TMEM117: variants seen among roughly 807,000 people sequenced by gnomAD.
The protein encoded by TMEM117 is transmembrane protein 117.
A neutral mutation model predicts 52.4 loss-of-function variants in TMEM117; 27 were observed. That is an observed-to-expected ratio of 0.51 (90% CI 0.38 to 0.71). The LOEUF is 0.71. Among genes scored for constraint, TMEM117 ranks in the 30% least tolerant of loss-of-function variants. TMEM117 has a pLI of 0.00. For synonymous variants in TMEM117, 215 were observed against 206.3 expected (o/e 1.04, Z -0.36); for missense variants, 556 against 630.5 (o/e 0.88, Z 1.26).
intron 3 of TMEM117, among the ~76,000 whole-genome samples, chr12:44,047,115 G>GTA (rs1438545580): frequency 2.6e-5 from 4 of 151,468 alleles, no homozygotes; most frequent in African/African-American, 9.8e-5. Context: ...ATATTTTAGT[G>GTA]TATATATGTG....
intron 2 of TMEM117, among the ~76,000 whole-genome samples, chr12:43,865,423 A>T (rs7971036): frequency 6.6e-6 from 1 of 152,134 alleles, no homozygotes; most frequent in African/African-American, 2.4e-5. Context: ...TTGGCCAGGT[A>T]TACTGGCTCA....
chr12:44,160,067 A>G (rs1373183542), intron 4 of TMEM117, among the ~76,000 whole-genome samples: 1 of 152,190 alleles, frequency 6.6e-6, no homozygotes, highest in Non-Finnish European at 1.5e-5. Context: ...GGACCCTGCT[A>G]CTAGCCTGGA....
intron 3 of TMEM117, among the ~76,000 whole-genome samples, chr12:43,972,315 A>G (rs552375138): frequency 2.0e-5 from 3 of 152,280 alleles, no homozygotes; most frequent in Admixed American, 2.0e-4. Flanking sequence ...CTGTGTCCAG[A>G]GTTGGTTCCT....
intron 3 of TMEM117, among the ~76,000 whole-genome samples, chr12:44,103,219 C>T (rs1432471416): frequency 6.6e-6 from 1 of 150,976 alleles, no homozygotes; most frequent in African/African-American, 2.4e-5. Context: ...CTCAGCATAA[C>T]TCCATATCTT....
chr12:44,153,018 A>C (rs1369645112), intron 4 of TMEM117, among the ~76,000 whole-genome samples: 1 of 151,520 alleles, frequency 6.6e-6, no homozygotes, highest in Non-Finnish European at 1.5e-5. Flanking sequence ...AGGTAAAAGA[A>C]ATGTTCAGGG....
At chr12:43,799,589 A>T in the TMEM117 span, 1 of 622,268 alleles carries the variant, frequency 1.6e-6, no homozygotes, top group South Asian at 3.2e-5. Flanking sequence ...AATCATTAAC[A>T]GAAAAGATTT....
chr12:44,030,906 T>A (rs1247136333), intron 3 of TMEM117, among the ~76,000 whole-genome samples: 3 of 152,234 alleles, frequency 2.0e-5, no homozygotes, highest in African/African-American at 7.2e-5. Context: ...TTTCTGTTAT[T>A]GAATTTTGCA....
chr12:43,807,663 T>C, the TMEM117 span, among the ~76,000 whole-genome samples: 3 of 152,214 alleles, frequency 2.0e-5, no homozygotes, highest in Non-Finnish European at 4.4e-5. Flanking sequence ...GAGCAAAATA[T>C]AATCCTTCCA....
At chr12:44,169,309 C>G (rs891096221) in intron 4 of TMEM117, among the ~76,000 whole-genome samples, 11 of 152,194 alleles carry the variant, frequency 7.2e-5, no homozygotes, top group Non-Finnish European at 1.6e-4. Context: ...TTGCTACCAG[C>G]AATGCACAAG....
At chr12:44,373,851 G>A (rs1262916988) in intron 6 of TMEM117, among the ~76,000 whole-genome samples, 9 of 137,510 alleles carry the variant, frequency 6.5e-5, no homozygotes, top group East Asian at 2.4e-4. Context: ...GTGCGATCTC[G>A]GCTCACTACA....
chr12:44,349,903 G>A (rs542503635), intron 6 of TMEM117, among the ~76,000 whole-genome samples: 1 of 152,120 alleles, frequency 6.6e-6, no homozygotes, highest in Admixed American at 6.6e-5. Flanking sequence ...ACAAGTATCA[G>A]CCAATTTGCC....
intron 4 of TMEM117, among the ~76,000 whole-genome samples, chr12:44,183,017 G>A (rs1038630897): frequency 6.6e-6 from 1 of 151,866 alleles, no homozygotes; most frequent in Non-Finnish European, 1.5e-5. Context: ...TCATTTATAA[G>A]CAGCAATTGT....
At chr12:44,328,687 A>G (rs952630881) in intron 6 of TMEM117, among the ~76,000 whole-genome samples, 2 of 152,014 alleles carry the variant, frequency 1.3e-5, no homozygotes, top group African/African-American at 2.4e-5. Flanking sequence ...TACCATTTCA[A>G]TTTGCTTGTT....
intron 3 of TMEM117, among the ~76,000 whole-genome samples, chr12:43,988,825 G>A (rs1331241356): frequency 2.0e-5 from 3 of 152,076 alleles, no homozygotes; most frequent in Admixed American, 6.6e-5. Context: ...TTTGCAAAAC[G>A]TTTACAAGTA....
intron 4 of TMEM117, among the ~76,000 whole-genome samples, chr12:44,202,365 A>C (rs12302578): frequency 0.02 from 2,982 of 152,006 alleles, 58 homozygotes; most frequent in South Asian, 0.053. Context: ...GAATTTTATC[A>C]AAAGCCATTT....
At chr12:44,350,564 A>G (rs1047458863) in intron 6 of TMEM117, among the ~76,000 whole-genome samples, 1 of 151,920 alleles carries the variant, frequency 6.6e-6, no homozygotes, top group Non-Finnish European at 1.5e-5. Flanking sequence ...CTCTATCTCC[A>G]TGAGTTCAGC....
At chr12:44,307,270 T>C (rs1950915113) in intron 6 of TMEM117, among the ~76,000 whole-genome samples, 1 of 152,204 alleles carries the variant, frequency 6.6e-6, no homozygotes, top group South Asian at 2.1e-4. Flanking sequence ...GAATATATTT[T>C]CAAGATAAGT....
intron 3 of TMEM117, among the ~76,000 whole-genome samples, chr12:44,076,007 T>C (rs1947376186): frequency 6.6e-6 from 1 of 152,086 alleles, no homozygotes; most frequent in Admixed American, 6.6e-5. Flanking sequence ...CCCTATTAGG[T>C]TTTTGAGGAC....
At position 43,850,106 on chromosome 12, in the gene TMEM117, CA is replaced by C. The variant is rs375951570; in HGVS notation, c.277+5179del. ...AAAGAGGCTGACACATCCGTTTTCA[CA>C]GGAAACAACATTTAATAGGGCCTTA... On this transcript the variant is annotated intron_variant, in intron 2 of 7. Transcript: ENST00000266534. Among the ~76,000 whole-genome samples the C allele has an allele frequency of 1.5e-3, 231 of 152,240 alleles. 1 individual carries two copies. Among genetic ancestry groups the C allele is most frequent in the African/African-American group, 5.3e-3 (222 of 41,552 alleles).
Sources: gnomAD v4.1 joint callset for allele counts (sites outside exome capture counted in the v4.1 genomes callset) on GRCh38, gnomAD v4.1.1 for gene constraint, MANE v1.5 for transcripts, NCBI Gene and HGNC (gene_info 2026-07-23, HGNC 2026-07-21) for gene names.